Variants in DNAJC13 observed in about 807,000 individuals in gnomAD.
The protein encoded by DNAJC13 is dnaJ homolog subfamily C member 13.
A neutral mutation model predicts 290.5 loss-of-function variants in DNAJC13; 75 were observed. The ratio of observed to expected loss-of-function variants is 0.26; its 90% CI spans 0.21 to 0.31. DNAJC13 has a LOEUF of 0.31. Among genes scored for constraint, DNAJC13 ranks in the 10% least tolerant of loss-of-function variants. DNAJC13 has a pLI of 1.00. For synonymous variants in DNAJC13, 862 were observed against 892.0 expected (o/e 0.97, Z 0.60); for missense variants, 2,260 against 2,674.5 (o/e 0.85, Z 3.42).
intron 6 of DNAJC13, 28 bp from the exon 7 acceptor site, chr3:132,453,270 G>A (rs912762820): frequency 2.5e-6 from 4 of 1,603,044 alleles, no homozygotes; most frequent in Non-Finnish European, 3.4e-6. Flanking sequence ...TTTCAACTCT[G>A]ACTTTTTAAA....
intron 43 of DNAJC13, among the ~76,000 whole-genome samples, chr3:132,508,807 T>C (rs1935677312): frequency 6.6e-6 from 1 of 152,248 alleles, no homozygotes; most frequent in South Asian, 2.1e-4. Flanking sequence ...GCCTGTGCTC[T>C]ATAAATGGAA....
intron 51 of DNAJC13, among the ~76,000 whole-genome samples, chr3:132,524,775 C>A (rs540320800): frequency 7.9e-5 from 12 of 152,264 alleles, no homozygotes; most frequent in African/African-American, 2.9e-4. Context: ...TCTTTTTGGA[C>A]ACATTCCAAT....
chr3:132,518,365 T>G (rs1935985633), intron 48 of DNAJC13, among the ~76,000 whole-genome samples: 1 of 152,214 alleles, frequency 6.6e-6, no homozygotes, highest in South Asian at 2.1e-4. Context: ...AATTTTTTTG[T>G]TTTTGAGACA....
Position 132,496,674 on chromosome 3 carries a change from T to G in DNAJC13, c.4156+11T>G, listed in dbSNP as rs987655027. The G allele has an allele frequency of 6.3e-7, 1 of 1,589,340 alleles. No individual in the cohort carries two copies. The highest frequency in any genetic ancestry group is 1.4e-5 in the African/African-American group (1 of 73,724). Reference sequence around the variant, plus strand: ...ACCGTCATAAAGAAGGTAAGATGTCTGTTCTCAGATTTTAATTTATCCTCC... The same window carrying G: ...ACCGTCATAAAGAAGGTAAGATGTCGGTTCTCAGATTTTAATTTATCCTCC... On this transcript the variant is annotated intron_variant, in intron 36 of 55. Transcript: ENST00000260818.
In DNAJC13 at chr3:132,499,870, T is replaced by C. The variant is rs1935357435; in HGVS notation, c.4416+62T>C. The C allele has an allele frequency of 1.2e-5, 18 of 1,446,852 alleles. No homozygotes were observed. In the East Asian group the frequency reaches 4.2e-4, roughly 33 times the overall value. The allele number at this position is 1,446,852 out of a possible 1,614,324, so 89.6% of individuals were successfully genotyped here. On this transcript the variant is annotated intron_variant, in intron 38 of 55. Transcript: ENST00000260818. ...TAGTTCAATGGTTCAGACTTTAACA[T>C]ATCTGAGAATCAACTGGAGGGCTCA...
At chr3:132,495,443 A>C (rs1935207095) in intron 35 of DNAJC13, among the ~76,000 whole-genome samples, 1 of 152,140 alleles carries the variant, frequency 6.6e-6, no homozygotes, top group Admixed American at 6.6e-5. Flanking sequence ...CAATCATAAG[A>C]ATAATTGAAA....
chr3:132,505,521 T>A, intron 42 of DNAJC13, 106 bp downstream of exon 42: 1 of 725,828 alleles, frequency 1.4e-6, no homozygotes, highest in Non-Finnish European at 2.3e-6. Flanking sequence ...CACTTTAGTG[T>A]CAGTCAGTAT....
At chr3:132,529,404 G>A (rs1297116329) in intron 54 of DNAJC13, among the ~76,000 whole-genome samples, 1 of 152,028 alleles carries the variant, frequency 6.6e-6, no homozygotes, top group Non-Finnish European at 1.5e-5. Context: ...ACAGCTTCCC[G>A]GTAATGAATT....
At chr3:132,480,640 C>T (rs762814695) in intron 26 of DNAJC13, among the ~76,000 whole-genome samples, 170 bp downstream of exon 26, 11 of 152,100 alleles carry the variant, frequency 7.2e-5, no homozygotes, top group Non-Finnish European at 1.5e-4. Flanking sequence ...ACTGTAAGAA[C>T]GATCCAAAAT....
At chr3:132,537,156 A>G in intron 55 of DNAJC13, 1 of 456,160 alleles carries the variant, frequency 2.2e-6, no homozygotes. Context: ...TTTTCCCCTC[A>G]GGTGTCTCTC....
rs142101159 is a variant in DNAJC13, at chr3:132,531,017, G to T, written c.6545G>T (p.Arg2182Leu). The change falls in exon 55 of 56, where the codon CGT (arginine) becomes CTT (leucine). Residue 2182 changes from arginine to leucine, a missense_variant. Arg to Leu is a moderately radical substitution (Grantham distance 102). Transcript: ENST00000260818. ...YGEQVNEILC[R>L]SSVWSAFKDQ... Reference sequence around the variant, plus strand: ...TCCTAGGTGAATGAAATCCTGTGCCGTTCTTCAGTCTGGAGTGCCTTCAAA... The same window carrying T: ...TCCTAGGTGAATGAAATCCTGTGCCTTTCTTCAGTCTGGAGTGCCTTCAAA... 1.2e-6 allele frequency: 2 copies of T among 1,613,848 alleles called. No individual in the cohort carries two copies. The highest frequency in any genetic ancestry group is 2.2e-5 in the East Asian group (1 of 44,882).
At chr3:132,505,526 C>A in intron 42 of DNAJC13, 111 bp downstream of exon 42, 1 of 703,458 alleles carries the variant, frequency 1.4e-6, no homozygotes. Context: ...TAGTGTCAGT[C>A]AGTATGGCTT....
rs771262156 is a variant in DNAJC13 at position 132,447,889 on chromosome 3, C to G, written c.295-9C>G. The G allele has an allele frequency of 1.2e-6, 2 of 1,600,484 alleles. No homozygotes were observed. Among genetic ancestry groups the G allele is most frequent in the Non-Finnish European group, 1.7e-6 (2 of 1,170,392 alleles). On this transcript the variant is annotated splice_polypyrimidine_tract_variant and intron_variant, in intron 4 of 55. Coordinates refer to ENST00000260818, the MANE Select transcript of DNAJC13 (RefSeq NM_015268.4). ...TTGTCATAAACTGTGGTTATGTTTTCTCTTTCAGAGATTTAGAACTGATTT... is the reference window on the plus strand; with the variant it reads ...TTGTCATAAACTGTGGTTATGTTTTGTCTTTCAGAGATTTAGAACTGATTT...
chr3:132,493,650 G>A (rs1370577246), intron 33 of DNAJC13, among the ~76,000 whole-genome samples: 1 of 151,728 alleles, frequency 6.6e-6, no homozygotes, highest in African/African-American at 2.4e-5. Context: ...AGATTCCCTT[G>A]TGTTCTATCC....
chr3:132,438,810 T>C (rs1368108120), intron 2 of DNAJC13, among the ~76,000 whole-genome samples: 1 of 152,222 alleles, frequency 6.6e-6, no homozygotes, highest in Non-Finnish European at 1.5e-5. Context: ...TAGCTTCTTC[T>C]GCGCTTTTCA....
chr3:132,490,919 A>G lies in DNAJC13; in HGVS notation c.3491A>G (p.Gln1164Arg). Residue 1164 changes from glutamine (Q) to arginine (R), a missense_variant, in exon 32 of 56, where the codon CAG (glutamine) becomes CGG (arginine). By Grantham distance (43) the Gln-to-Arg change is conservative. Around this residue, in one of 3 missense-constraint regions of DNAJC13, gnomAD observed 1,494 missense variants for 1,693.7 expected, o/e 0.88. Coordinates refer to ENST00000260818, the MANE Select transcript of DNAJC13 (RefSeq NM_015268.4). ...AAGACAAAAGGACAAGATATTTTTC[A>G]GAGAAGTATACTTGGGCACATTCTA... ...SEETKGQDIF[Q>R]RSILGHILPE... The G allele has an allele frequency of 6.3e-7, 1 of 1,595,596 alleles. No individual in the cohort carries two copies. Among genetic ancestry groups the G allele is most frequent in the Non-Finnish European group, 8.5e-7 (1 of 1,173,994 alleles).
At chr3:132,482,974 G>A (rs915455198) in intron 27 of DNAJC13, among the ~76,000 whole-genome samples, 6 of 152,032 alleles carry the variant, frequency 3.9e-5, no homozygotes, top group African/African-American at 1.4e-4. Flanking sequence ...AAATTATTCA[G>A]TCCAAGAGCT....
intron 55 of DNAJC13, 54 bp downstream of exon 55, chr3:132,531,151 C>T (rs1936403612): frequency 6.8e-7 from 1 of 1,479,568 alleles, no homozygotes; most frequent in Non-Finnish European, 9.4e-7. Context: ...CCACTTGGAC[C>T]TTCCTTTTGC....
intron 52 of DNAJC13, 48 bp from the exon 53 acceptor site, chr3:132,526,093 A>G (rs377158993): frequency 3.1e-6 from 5 of 1,604,740 alleles, no homozygotes; most frequent in Non-Finnish European, 3.4e-6. Flanking sequence ...TTACTATGTT[A>G]TATAAATATT....
Sources: allele counts gnomAD v4.1 joint callset (sites outside exome capture counted in the v4.1 genomes callset), GRCh38; gene constraint gnomAD v4.1.1; regional missense constraint gnomAD v4.1.1; transcripts MANE v1.5; gene names NCBI Gene and HGNC (gene_info 2026-07-23, HGNC 2026-07-21).